TUSC3: variants seen among roughly 807,000 people sequenced by gnomAD.
TUSC3 encodes dolichyl-diphosphooligosaccharide--protein glycosyltransferase subunit TUSC3.
Under a neutral mutation model 44.8 loss-of-function variants are expected in TUSC3, and 45 were observed. That is an observed-to-expected ratio of 1.00 (90% CI 0.79 to 1.29). The LOEUF (loss-of-function observed/expected upper bound fraction) is 1.29. TUSC3 is among the 50% of genes most tolerant of loss of function. The probability of loss-of-function intolerance (pLI) is 0.00; values close to 1 mark genes in which losing one functional copy is unlikely to be tolerated. For missense variants in TUSC3, 519 were observed against 437.9 expected (o/e 1.19, Z -1.65); for synonymous variants, 212 against 152.9 (o/e 1.39, Z -2.85).
intron 6 of TUSC3, among the ~76,000 whole-genome samples, chr8:15,705,301 A>C (rs1809571694): frequency 6.6e-6 from 1 of 152,070 alleles, no homozygotes; most frequent in Admixed American, 6.6e-5. Context: ...AAAATAAAAA[A>C]GATTTACTTT....
intron 1 of TUSC3, among the ~76,000 whole-genome samples, chr8:15,477,235 A>G (rs554699386): frequency 2.0e-5 from 3 of 152,208 alleles, no homozygotes; most frequent in East Asian, 1.9e-4. Flanking sequence ...ACCAAATTCC[A>G]TTTAGTTGTC....
At chr8:15,528,720 C>T (rs1049826927) in intron 2 of TUSC3, among the ~76,000 whole-genome samples, 1 of 152,142 alleles carries the variant, frequency 6.6e-6, no homozygotes, top group Non-Finnish European at 1.5e-5. Flanking sequence ...TGGATTCTTT[C>T]TTTAATTTTT....
At chr8:15,594,809 A>G (rs1563124206) in intron 1 of TUSC3, among the ~76,000 whole-genome samples, 1 of 152,150 alleles carries the variant, frequency 6.6e-6, no homozygotes, top group African/African-American at 2.4e-5. Flanking sequence ...GCAACAAGTT[A>G]CATAAGACAG....
chr8:15,703,895 G>C (rs564592662), intron 6 of TUSC3, among the ~76,000 whole-genome samples: 39 of 152,176 alleles, frequency 2.6e-4, no homozygotes, highest in African/African-American at 8.7e-4. Flanking sequence ...TAGCTCATTC[G>C]CTCAGCAAAA....
At chr8:15,491,257 C>A (rs1364395915) in intron 2 of TUSC3, among the ~76,000 whole-genome samples, 1 of 152,142 alleles carries the variant, frequency 6.6e-6, no homozygotes. Context: ...TTTACACTGT[C>A]CCTGTGAAAT....
intron 8 of TUSC3, among the ~76,000 whole-genome samples, chr8:15,744,121 C>G (rs1338982231): frequency 6.6e-6 from 1 of 152,154 alleles, no homozygotes; most frequent in Non-Finnish European, 1.5e-5. Flanking sequence ...TCTATTGATA[C>G]TATCTTTTCC....
At chr8:15,519,182 G>T (rs1327947296) in intron 2 of TUSC3, among the ~76,000 whole-genome samples, 3 of 152,084 alleles carry the variant, frequency 2.0e-5, no homozygotes, top group African/African-American at 7.2e-5. Context: ...ATGATTTTGA[G>T]AATAATGATC....
At position 15,554,051 on chromosome 8, in the gene TUSC3, G is replaced by A. The variant is rs992734597; in HGVS notation, c.138+13483G>A. On this transcript the variant is annotated intron_variant, in intron 1 of 10. Transcript: ENST00000503731. ...CCAAGATCAAGGTGACCTCAGATCC[G>A]TGTCTGGTGAGGCCCACTTTCTCGG... Among the ~76,000 whole-genome samples, 42 of 151,628 alleles carry A rather than the reference G, an allele frequency of 2.8e-4. 1 individual carries two copies. The highest frequency in any genetic ancestry group is 2.0e-4 in the East Asian group (1 of 5,086).
intron 1 of TUSC3, among the ~76,000 whole-genome samples, chr8:15,464,857 T>A (rs909495948): frequency 1.3e-5 from 2 of 152,160 alleles, no homozygotes; most frequent in Non-Finnish European, 2.9e-5. Flanking sequence ...TTGAAGACTT[T>A]TTTTTTGTTT....
chr8:15,498,014 T>C (rs1196752452), intron 2 of TUSC3, among the ~76,000 whole-genome samples: 1 of 152,072 alleles, frequency 6.6e-6, no homozygotes, highest in African/African-American at 2.4e-5. Flanking sequence ...CCTTCCAAAG[T>C]GCTAGGATTA....
At chr8:15,740,578 C>G (rs1166521053) in intron 7 of TUSC3, among the ~76,000 whole-genome samples, 6 of 151,040 alleles carry the variant, frequency 4.0e-5, no homozygotes, top group Non-Finnish European at 8.8e-5. Context: ...ATGAACATAT[C>G]AAAAGATGCT....
At position 15,448,039 on chromosome 8, in the gene TUSC3, G is replaced by T. The variant is rs115468247; in HGVS notation, n.91+30734G>T. ...TAGCCAGGCATAATTAGTGGCTACC[G>T]TATCACACAGCACAGATATAAAGCA... is the stretch of plus-strand genomic sequence containing the variant. On this transcript the variant is annotated intron_variant and non_coding_transcript_variant, in intron 1 of 5. Transcript: ENST00000503191. Among the ~76,000 whole-genome samples, 8 of 148,494 alleles carry T rather than the reference G, an allele frequency of 5.4e-5. No homozygotes were observed. In the East Asian group the frequency reaches 1.6e-3, roughly 29 times the overall value.
Position 15,662,172 on chromosome 8 carries a change from C to G in TUSC3, c.584C>G (p.Pro195Arg). ...TTTTTGCAGATTCGGGTTTTCAGACCACCCAACTACTCTGGTACCATTGCT... is the reference window on the plus strand; with the variant it reads ...TTTTTGCAGATTCGGGTTTTCAGACGACCCAACTACTCTGGTACCATTGCT... The part of the protein sequence containing the change: ...RTDVHIRVFR[P>R]PNYSGTIALA... Residue 195 changes from proline to arginine, a missense_variant, in exon 5 of 11, where the codon CCA becomes CGA. Transcript: ENST00000503731. 1 of 1,612,616 alleles carries G rather than the reference C, an allele frequency of 6.2e-7. No homozygotes were observed. The highest frequency in any genetic ancestry group is 8.5e-7 in the Non-Finnish European group (1 of 1,179,134).
At chr8:15,509,708 G>A (rs1209853055) in intron 2 of TUSC3, among the ~76,000 whole-genome samples, 2 of 152,042 alleles carry the variant, frequency 1.3e-5, no homozygotes, top group Admixed American at 6.6e-5. Context: ...TTAATATTTT[G>A]GACTTTACCT....
intron 6 of TUSC3, among the ~76,000 whole-genome samples, chr8:15,699,864 A>T (rs2129194722): frequency 6.6e-6 from 1 of 152,326 alleles, no homozygotes; most frequent in South Asian, 2.1e-4. Context: ...TCCTTTCAAC[A>T]AGTGCTATAG....
chr8:15,679,392 T>C (rs150642624), intron 6 of TUSC3, among the ~76,000 whole-genome samples: 55 of 152,300 alleles, frequency 3.6e-4, no homozygotes, highest in African/African-American at 6.5e-4. Flanking sequence ...ATTGACCACT[T>C]GCATGTTTTC....
At chr8:15,428,016 C>T (rs113030670) in intron 1 of TUSC3, among the ~76,000 whole-genome samples, 20,633 of 150,946 alleles carry the variant, frequency 0.14, 1,526 homozygotes, top group Middle Eastern at 0.21. Flanking sequence ...ATGTGCACAA[C>T]GTGCTGGTTT....
intron 1 of TUSC3, among the ~76,000 whole-genome samples, chr8:15,542,665 A>G (rs1399734732): frequency 1.3e-5 from 2 of 152,222 alleles, no homozygotes; most frequent in Non-Finnish European, 2.9e-5. Context: ...TGGATTTAGT[A>G]TAATTAAATC....
chr8:15,707,627 T>C (rs1809670523), intron 6 of TUSC3, among the ~76,000 whole-genome samples: 2 of 151,894 alleles, frequency 1.3e-5, no homozygotes, highest in Admixed American at 1.3e-4. Flanking sequence ...AGAGCAAAGA[T>C]GGAACAGCAG....
Sources: allele counts gnomAD v4.1 joint callset (sites outside exome capture counted in the v4.1 genomes callset), GRCh38; gene constraint gnomAD v4.1.1; transcripts MANE v1.5; gene names NCBI Gene and HGNC (gene_info 2026-07-23, HGNC 2026-07-21).